FLACC1: variants seen among roughly 807,000 people sequenced by gnomAD.
The protein encoded by FLACC1 is flagellum associated containing coiled-coil domains 1, also known as flagellum-associated coiled-coil domain-containing protein 1.
FLACC1 carries 66 observed loss-of-function variants against 62.8 expected under a neutral mutation model. The ratio of observed to expected loss-of-function variants is 1.05; its 90% CI spans 0.86 to 1.29. The LOEUF is 1.29. Among genes scored for constraint, FLACC1 ranks in the 50% most tolerant of loss-of-function variants. FLACC1 has a pLI of 0.00. For synonymous variants in FLACC1, 156 were observed against 161.0 expected, an observed-to-expected ratio of 0.97 and a Z score of 0.24; for missense variants, 452 against 489.1, an observed-to-expected ratio of 0.92 and a Z score of 0.71.
intron 7 of FLACC1, among the ~76,000 whole-genome samples, chr2:201,339,170 A>AT (rs1400763018): frequency 6.6e-6 from 1 of 151,694 alleles, no homozygotes; most frequent in Non-Finnish European, 1.5e-5. Flanking sequence ...GAATTTATCT[A>AT]TTTTTGCTAG....
At chr2:201,305,917 C>T (rs1950093469) in intron 11 of FLACC1, among the ~76,000 whole-genome samples, 1 of 145,688 alleles carries the variant, frequency 6.9e-6, no homozygotes, top group Non-Finnish European at 1.5e-5. Context: ...GGGAACACCA[C>T]ACACCAGGGC....
At chr2:201,289,231 A>C (rs1376312276) in intron 14 of FLACC1, among the ~76,000 whole-genome samples, 1 of 152,208 alleles carries the variant, frequency 6.6e-6, no homozygotes, top group East Asian at 1.9e-4. Context: ...GCATAGAAAC[A>C]AGGACACAGG....
intron 12 of FLACC1, among the ~76,000 whole-genome samples, chr2:201,293,861 CT>C (rs1167622173): frequency 6.6e-6 from 1 of 151,548 alleles, no homozygotes; most frequent in Non-Finnish European, 1.5e-5. Flanking sequence ...TCCCACAGAA[CT>C]ACAAACTACC....
chr2:201,312,404 T>G (rs1440262292), intron 9 of FLACC1, among the ~76,000 whole-genome samples: 1 of 152,082 alleles, frequency 6.6e-6, no homozygotes, highest in Admixed American at 6.6e-5. Flanking sequence ...AAATTGCTGC[T>G]GAAAGAAATC....
intron 9 of FLACC1, among the ~76,000 whole-genome samples, chr2:201,328,071 T>C (rs1036422832): frequency 6.6e-6 from 1 of 152,040 alleles, no homozygotes; most frequent in African/African-American, 2.4e-5. Context: ...AACCAAAAAC[T>C]GTATGATGTC....
chr2:201,324,709 T>C (rs1293097960), intron 9 of FLACC1, among the ~76,000 whole-genome samples: 2 of 152,200 alleles, frequency 1.3e-5, no homozygotes, highest in Admixed American at 1.3e-4. Flanking sequence ...AAGGGAATCC[T>C]CAAAACTATA....
intron 2 of FLACC1, among the ~76,000 whole-genome samples, 154 bp downstream of exon 2, chr2:201,351,138 C>T (rs1951019439): frequency 6.6e-6 from 1 of 152,204 alleles, no homozygotes; most frequent in African/African-American, 2.4e-5. Flanking sequence ...AGGGTGCAGC[C>T]AACCAGCTGG....
At chr2:201,305,159 G>C (rs1281766372) in intron 11 of FLACC1, among the ~76,000 whole-genome samples, 1 of 152,102 alleles carries the variant, frequency 6.6e-6, no homozygotes, top group African/African-American at 2.4e-5. Flanking sequence ...CTACAGAATG[G>C]GAGAAAATTT....
chr2:201,338,429 A>G (rs1950739039), intron 7 of FLACC1, among the ~76,000 whole-genome samples: 1 of 152,122 alleles, frequency 6.6e-6, no homozygotes, highest in Non-Finnish European at 1.5e-5. Context: ...TAGGACTTCC[A>G]GTACTATATT....
chr2:201,352,455 T>C (rs969551856), intron 1 of FLACC1, among the ~76,000 whole-genome samples: 3 of 152,100 alleles, frequency 2.0e-5, no homozygotes, highest in African/African-American at 4.8e-5. Context: ...AAAATTAGAG[T>C]ACAGCATTAA....
At position 201,303,091 on chromosome 2, in the gene FLACC1, T is replaced by C. The variant is rs553740836; in HGVS notation, c.880-3791A>G. Among the ~76,000 whole-genome samples the C allele has an allele frequency of 9.4e-4, 129 of 137,752 alleles. 1 individual carries two copies. Among genetic ancestry groups the C allele is most frequent in the African/African-American group, 3.3e-3 (121 of 37,136 alleles). The allele number at this position is 137,752 out of a possible 152,430, so 90.4% of individuals were successfully genotyped here. On this transcript the variant is annotated intron_variant, in intron 11 of 14. Transcript: ENST00000392257. Reference sequence around the variant, plus strand: ...GAAATAACTAAGATCAGAGCAGAACTGAAGGAGATAGAGACACAAAAACCC... The same window carrying C: ...GAAATAACTAAGATCAGAGCAGAACCGAAGGAGATAGAGACACAAAAACCC...
chr2:201,319,614 T>G (rs933561409), intron 9 of FLACC1, among the ~76,000 whole-genome samples: 2 of 152,224 alleles, frequency 1.3e-5, no homozygotes, highest in Admixed American at 6.5e-5. Context: ...ACTACGCATC[T>G]GACAAATATC....
intron 9 of FLACC1, among the ~76,000 whole-genome samples, chr2:201,330,174 T>C (rs557374359): frequency 1.9e-4 from 29 of 152,044 alleles, no homozygotes; most frequent in African/African-American, 6.8e-4. Flanking sequence ...TTAACAGGGG[T>C]TGTCTTTGGG....
At chr2:201,339,364 TG>T (rs1299019095) in intron 7 of FLACC1, among the ~76,000 whole-genome samples, 3 of 152,106 alleles carry the variant, frequency 2.0e-5, no homozygotes, top group Non-Finnish European at 4.4e-5. Context: ...TTGAAGAATC[TG>T]TTTTTTTGCT....
At chr2:201,333,937 A>G (rs1338245574) in intron 7 of FLACC1, among the ~76,000 whole-genome samples, 3 of 152,112 alleles carry the variant, frequency 2.0e-5, no homozygotes, top group Admixed American at 6.5e-5. Flanking sequence ...GGATGGCTGG[A>G]TCAAATGGTA....
chr2:201,355,559 A>G (rs556251967), intron 1 of FLACC1, among the ~76,000 whole-genome samples: 7 of 146,020 alleles, frequency 4.8e-5, no homozygotes, highest in African/African-American at 1.7e-4. Flanking sequence ...TGCTCTTAAG[A>G]AAAAAAAAAA....
intron 1 of FLACC1, among the ~76,000 whole-genome samples, chr2:201,351,664 C>G (rs1252030888): frequency 6.6e-6 from 1 of 152,248 alleles, no homozygotes; most frequent in East Asian, 1.9e-4. Context: ...CCATAACTGG[C>G]TGGGCATGGT....
intron 11 of FLACC1, among the ~76,000 whole-genome samples, chr2:201,306,107 A>AT (rs908414193): frequency 1.6e-4 from 25 of 152,144 alleles, no homozygotes; most frequent in African/African-American, 6.0e-4. Flanking sequence ...AATAAAAAAA[A>AT]AAAGAAAGAA....
At chr2:201,343,355 T>C (rs1950848637) in intron 6 of FLACC1, among the ~76,000 whole-genome samples, 1 of 152,216 alleles carries the variant, frequency 6.6e-6, no homozygotes, top group Admixed American at 6.5e-5. Context: ...TCCCTGAGTC[T>C]CATTTTCCTT....
Sources: gnomAD v4.1 joint callset for allele counts (sites outside exome capture counted in the v4.1 genomes callset) on GRCh38, gnomAD v4.1.1 for gene constraint, MANE v1.5 for transcripts, NCBI Gene and HGNC (gene_info 2026-07-23, HGNC 2026-07-21) for gene names.